Variants in PTPRE observed in about 807,000 individuals in gnomAD.
The protein encoded by PTPRE is protein tyrosine phosphatase receptor type E.
In PTPRE, 51 loss-of-function variants were observed where a neutral mutation model predicts 102.0. The ratio of observed to expected loss-of-function variants is 0.50; its 90% CI spans 0.40 to 0.63. The LOEUF (loss-of-function observed/expected upper bound fraction) is 0.63. Among genes scored for constraint, PTPRE ranks in the 30% least tolerant of loss-of-function variants. The pLI is 0.00. For synonymous variants in PTPRE, 345 were observed against 348.2 expected, an observed-to-expected ratio of 0.99 and a Z score of 0.10; for missense variants, 752 against 915.1, an observed-to-expected ratio of 0.82 and a Z score of 2.30.
chr10:127,948,026 A>G (rs1848748876), intron 1 of PTPRE, among the ~76,000 whole-genome samples: 1 of 152,156 alleles, frequency 6.6e-6, no homozygotes. Context: ...AGGATGCCCC[A>G]TGCCATGCCC....
At chr10:128,058,903 G>A (rs1161584905) in intron 7 of PTPRE, among the ~76,000 whole-genome samples, 1 of 152,196 alleles carries the variant, frequency 6.6e-6, no homozygotes, top group Non-Finnish European at 1.5e-5. Flanking sequence ...TGTGGCCCTG[G>A]GGAGCTCTGG....
intron 2 of PTPRE, among the ~76,000 whole-genome samples, chr10:128,030,226 C>T (rs116922129): frequency 0.014 from 2,075 of 152,334 alleles, 25 homozygotes; most frequent in Middle Eastern, 0.034. Context: ...GCTGCCCTGG[C>T]GAACAACGGG....
chr10:127,938,777 G>A (rs975537772), intron 1 of PTPRE, among the ~76,000 whole-genome samples: 1 of 152,064 alleles, frequency 6.6e-6, no homozygotes, highest in Non-Finnish European at 1.5e-5. Flanking sequence ...TGGTTAAATA[G>A]CAGCAGTGCC....
chr10:128,044,420 C>T (rs2135819648), intron 3 of PTPRE, among the ~76,000 whole-genome samples: 1 of 152,346 alleles, frequency 6.6e-6, no homozygotes, highest in Admixed American at 6.5e-5. Flanking sequence ...GGCTCTTGGC[C>T]AGAGCTCAGG....
chr10:128,001,496 G>A (rs909585526), intron 2 of PTPRE, among the ~76,000 whole-genome samples: 1 of 152,104 alleles, frequency 6.6e-6, no homozygotes. Flanking sequence ...TTCCACCCCC[G>A]GAATTGCTTC....
chr10:128,077,011 T>C (rs1851263588), intron 18 of PTPRE, among the ~76,000 whole-genome samples: 1 of 152,192 alleles, frequency 6.6e-6, no homozygotes, highest in Non-Finnish European at 1.5e-5. Flanking sequence ...CACAGGGGCC[T>C]CTCTGGGGCC....
At chr10:128,069,901 A>G in intron 13 of PTPRE, 74 bp downstream of exon 13, 1 of 1,606,992 alleles carries the variant, frequency 6.2e-7, no homozygotes, top group Non-Finnish European at 8.5e-7. Flanking sequence ...ACAGGTGTGC[A>G]GGGCCCTGGC....
rs987479325 is a variant in PTPRE, at chr10:128,007,366, A to T, written c.-8+25070A>T. Among the ~76,000 whole-genome samples, 15 of 152,316 alleles carry T rather than the reference A, an allele frequency of 9.8e-5. 1 individual carries two copies. Among genetic ancestry groups the T allele is most frequent in the African/African-American group, 3.1e-4 (13 of 41,566 alleles). Reference sequence around the variant, plus strand: ...AGAATTAAAATTAAGTTCTGAGTGGAGATGTTTAGAATCCACAAACCACAC... The same window carrying T: ...AGAATTAAAATTAAGTTCTGAGTGGTGATGTTTAGAATCCACAAACCACAC... On this transcript the variant is annotated intron_variant, in intron 2 of 20. Transcript: ENST00000254667.
Position 128,070,166 on chromosome 10 carries a change from A to T in PTPRE, c.1144-135A>T. 9.4e-7 allele frequency: 1 copy of T among 1,068,006 alleles called. No homozygotes were observed. The highest frequency in any genetic ancestry group is 1.3e-6 in the Non-Finnish European group (1 of 747,884). The allele number at this position is 1,068,006 out of a possible 1,614,324, so 66.2% of individuals were successfully genotyped here. ...GTCGTTATCCGTGGCCGGTACTCTG[A>T]CTCTTGCCTCACACCTCCTTGTGTT... On this transcript the variant is annotated intron_variant, in intron 13 of 20. Transcript: ENST00000254667. The surrounding 1 kb of genome is among the most constrained non-coding windows in gnomAD (Gnocchi z 4.8).
intron 1 of PTPRE, among the ~76,000 whole-genome samples, chr10:127,952,369 CA>C (rs769059757): frequency 7.6e-6 from 1 of 131,190 alleles, no homozygotes; most frequent in African/African-American, 2.8e-5. Context: ...TCACCCAAAC[CA>C]AAAAAAGTTT....
intron 1 of PTPRE, among the ~76,000 whole-genome samples, chr10:127,974,548 G>A (rs951414888): frequency 2.0e-5 from 3 of 152,150 alleles, no homozygotes; most frequent in African/African-American, 4.8e-5. Flanking sequence ...GCATTTCAAC[G>A]ATCTGTTTAT....
intron 1 of PTPRE, among the ~76,000 whole-genome samples, chr10:127,916,429 G>T (rs35141747): frequency 0.069 from 10,493 of 152,186 alleles, 426 homozygotes; most frequent in Non-Finnish European, 0.086. Context: ...ATGATTGTCA[G>T]TTTCCTGAGG....
intron 6 of PTPRE, 119 bp downstream of exon 6, chr10:128,049,785 G>A (rs4750933): frequency 0.33 from 467,490 of 1,409,818 alleles, 81,237 homozygotes; most frequent in Admixed American, 0.58. Context: ...TTATGACACT[G>A]TCCCATGAAT....
chr10:127,992,904 G>A (rs147865182), intron 2 of PTPRE, among the ~76,000 whole-genome samples: 215 of 152,346 alleles, frequency 1.4e-3, no homozygotes, highest in African/African-American at 5.0e-3. Context: ...TCCAGAACAA[G>A]TAGCCCCTTT....
intron 6 of PTPRE, among the ~76,000 whole-genome samples, chr10:128,055,020 AC>A (rs1250605859): frequency 6.6e-6 from 1 of 151,966 alleles, no homozygotes; most frequent in Non-Finnish European, 1.5e-5. Flanking sequence ...CAGTTTCCTC[AC>A]CCATAAAACG....
chr10:127,959,037 C>G (rs545308782), intron 1 of PTPRE, among the ~76,000 whole-genome samples: 2 of 152,208 alleles, frequency 1.3e-5, no homozygotes, highest in East Asian at 1.9e-4. Context: ...GCTGGGATTA[C>G]AGGCATGCGC....
chr10:127,909,233 G>A (rs886710856), intron 1 of PTPRE, among the ~76,000 whole-genome samples: 3 of 152,186 alleles, frequency 2.0e-5, no homozygotes, highest in African/African-American at 7.2e-5. Context: ...GCGGCTGTGT[G>A]TGTACATCCT....
chr10:128,001,907 TTC>T (rs1231089327), intron 2 of PTPRE, among the ~76,000 whole-genome samples: 1 of 152,170 alleles, frequency 6.6e-6, no homozygotes, highest in Non-Finnish European at 1.5e-5. Context: ...CTCACCTGGT[TTC>T]TCCTCTCTCC....
At chr10:128,065,399 G>A (rs909707945) in intron 10 of PTPRE, among the ~76,000 whole-genome samples, 2 of 152,180 alleles carry the variant, frequency 1.3e-5, no homozygotes, top group African/African-American at 2.4e-5. Context: ...GGACACCACC[G>A]GGCAGGTGCT....
Sources: gnomAD v4.1 joint callset for allele counts (sites outside exome capture counted in the v4.1 genomes callset) on GRCh38, gnomAD v4.1.1 for gene constraint, Gnocchi (gnomAD v3.1) non-coding constraint, MANE v1.5 for transcripts, NCBI Gene and HGNC (gene_info 2026-07-23, HGNC 2026-07-21) for gene names.